The following MAML2 variants were observed in gnomAD, a reference collection of about 807,000 sequenced individuals.
MAML2 encodes mastermind-like protein 2.
A neutral mutation model predicts 96.1 loss-of-function variants in MAML2; 22 were observed. The ratio of observed to expected loss-of-function variants is 0.23; its 90% confidence interval spans 0.16 to 0.33. The LOEUF is 0.33. Among genes scored for constraint, MAML2 ranks in the 10% least tolerant of loss-of-function variants. The probability of loss-of-function intolerance (pLI) is 1.00; values close to 1 mark genes in which losing one functional copy is unlikely to be tolerated. For missense variants in MAML2, 1,367 were observed against 1,392.4 expected, an observed-to-expected ratio of 0.98 and a Z score of 0.29; for synonymous variants, 561 against 521.3, an observed-to-expected ratio of 1.08 and a Z score of -1.04.
intron 2 of MAML2, among the ~76,000 whole-genome samples, chr11:95,997,711 T>C (rs1443799011): frequency 6.6e-6 from 1 of 152,134 alleles, no homozygotes; most frequent in Non-Finnish European, 1.5e-5. Context: ...GCATTTGAGA[T>C]CTTCATTTCA....
intron 1 of MAML2, among the ~76,000 whole-genome samples, chr11:96,162,240 T>C (rs927060677): frequency 6.9e-6 from 1 of 145,728 alleles, no homozygotes; most frequent in African/African-American, 2.5e-5. Flanking sequence ...CAGAATCAGG[T>C]CTGACTTTTT....
intron 1 of MAML2, among the ~76,000 whole-genome samples, chr11:96,273,241 A>T (rs910895106): frequency 2.0e-5 from 3 of 152,236 alleles, no homozygotes; most frequent in African/African-American, 7.2e-5. Flanking sequence ...CAAGGCAATA[A>T]TCTTGTCTGT....
chr11:96,250,341 T>C (rs905573066), intron 1 of MAML2, among the ~76,000 whole-genome samples: 13 of 152,220 alleles, frequency 8.5e-5, no homozygotes, highest in African/African-American at 3.1e-4. Flanking sequence ...CATATAATCA[T>C]AGTGCTCTGA....
At chr11:96,165,939 C>T (rs1861181538) in intron 1 of MAML2, among the ~76,000 whole-genome samples, 1 of 152,134 alleles carries the variant, frequency 6.6e-6, no homozygotes, top group African/African-American at 2.4e-5. Context: ...CTGCCTTAGG[C>T]AGGATATTTG....
intron 1 of MAML2, among the ~76,000 whole-genome samples, chr11:96,293,678 C>T (rs476940): frequency 0.26 from 40,234 of 151,838 alleles, 5,404 homozygotes; most frequent in East Asian, 0.32. Flanking sequence ...AAACAGCCCA[C>T]GGAAACAGTA....
chr11:96,294,517 G>A (rs1863261848), intron 1 of MAML2, among the ~76,000 whole-genome samples: 1 of 152,190 alleles, frequency 6.6e-6, no homozygotes, highest in Admixed American at 6.5e-5. Flanking sequence ...GCTTCTGTAT[G>A]AATTGTTACA....
intron 1 of MAML2, among the ~76,000 whole-genome samples, chr11:96,286,119 A>G (rs1331917770): frequency 6.6e-6 from 1 of 152,232 alleles, no homozygotes; most frequent in East Asian, 1.9e-4. Context: ...TGTGGTACAT[A>G]TTCACCATGG....
chr11:96,142,518 C>T (rs889517087), intron 1 of MAML2, among the ~76,000 whole-genome samples: 2 of 152,208 alleles, frequency 1.3e-5, no homozygotes, highest in Non-Finnish European at 2.9e-5. Context: ...TCATAACCCT[C>T]AGGTTCCAGT....
At position 96,092,485 on chromosome 11, in the gene MAML2, T is replaced by C. The variant is rs1283375880; in HGVS notation, c.1546A>G (p.Lys516Glu). 1 of 1,607,236 alleles carries C rather than the reference T, an allele frequency of 6.2e-7. No individual in the cohort carries two copies. The highest frequency in any genetic ancestry group is 2.2e-5 in the East Asian group (1 of 44,820). ...CCACCCTGGGCTGAGGGGCCGGCCT[T>C]GTACATGTAGTTAGCCATTACTTTC... ...QSKVMANYMY[K>E]AGPSAQGGHL... is the part of the protein sequence containing the mutation. Residue 516 changes from lysine to glutamate, a missense_variant, in exon 2 of 5, where the codon AAG (lysine) becomes GAG (glutamate). Physicochemically the swap from Lys to Glu is moderately conservative, Grantham distance 56 (BLOSUM62 1). Transcript: ENST00000524717. The surrounding 1 kb of genome is among the most constrained non-coding windows in gnomAD (Gnocchi z 4.1).
intron 1 of MAML2, among the ~76,000 whole-genome samples, chr11:96,268,114 A>G (rs1292371877): frequency 6.6e-6 from 1 of 152,172 alleles, no homozygotes; most frequent in Non-Finnish European, 1.5e-5. Flanking sequence ...TTGATGCTAT[A>G]ATGGTATTTG....
At chr11:96,321,951 TTTGTTG>T (rs750669452) in intron 1 of MAML2, among the ~76,000 whole-genome samples, 4 of 152,156 alleles carry the variant, frequency 2.6e-5, no homozygotes, top group Non-Finnish European at 4.4e-5. Flanking sequence ...GGCCGAGTTT[TTTGTTG>T]TTGTTGTTGT....
intron 2 of MAML2, among the ~76,000 whole-genome samples, chr11:96,030,798 A>G (rs1858601746): frequency 6.6e-6 from 1 of 152,168 alleles, no homozygotes; most frequent in African/African-American, 2.4e-5. Flanking sequence ...TAATTTCACT[A>G]CTCCTGGAGT....
At chr11:96,069,890 G>A (rs1859314157) in intron 2 of MAML2, among the ~76,000 whole-genome samples, 1 of 151,566 alleles carries the variant, frequency 6.6e-6, no homozygotes, top group Non-Finnish European at 1.5e-5. Flanking sequence ...GGGTGTGGTG[G>A]TGCGTGCCTG....
At chr11:96,064,695 C>A (rs962545435) in intron 2 of MAML2, among the ~76,000 whole-genome samples, 4 of 152,172 alleles carry the variant, frequency 2.6e-5, no homozygotes, top group Admixed American at 2.0e-4. Context: ...AGTTAATTAA[C>A]CCACATGCAC....
chr11:96,098,599 T>C (rs977232602), intron 1 of MAML2, among the ~76,000 whole-genome samples: 9 of 152,244 alleles, frequency 5.9e-5, no homozygotes, highest in Admixed American at 3.9e-4. Flanking sequence ...CACTGTACTT[T>C]CTTTTGCTGA....
intron 2 of MAML2, among the ~76,000 whole-genome samples, chr11:96,050,230 G>C (rs1380703940): frequency 1.3e-5 from 2 of 152,208 alleles, no homozygotes; most frequent in Non-Finnish European, 2.9e-5. Context: ...GTATGTGTGA[G>C]AGAGTCAACT....
At chr11:96,318,606 G>C (rs1863661460) in intron 1 of MAML2, among the ~76,000 whole-genome samples, 1 of 152,200 alleles carries the variant, frequency 6.6e-6, no homozygotes, top group South Asian at 2.1e-4. Flanking sequence ...ACAACGGTTT[G>C]ATGTCCTTGT....
chr11:96,187,879 C>T (rs906500616), intron 1 of MAML2, among the ~76,000 whole-genome samples: 5 of 152,074 alleles, frequency 3.3e-5, no homozygotes, highest in African/African-American at 1.2e-4. Context: ...ATATTTTTCA[C>T]TCCAGTCTAT....
In MAML2 at chr11:96,092,518, C is replaced by A; in HGVS notation, c.1513G>T (p.Gly505Cys). ...TAGTTAGCCATTACTTTCGACTGGC[C>A]GCTGCCGCCAGCTACCCCAGGCATG... ...SPMPGVAGGS[G>C]QSKVMANYMY... The change falls in exon 2 of 5, where the codon GGC (glycine) becomes TGC (cysteine). Residue 505 changes from glycine (G) to cysteine (C), a missense_variant. Physicochemically the swap from Gly to Cys is radical, Grantham distance 159. Coordinates refer to ENST00000524717, the MANE Select transcript of MAML2 (RefSeq NM_032427.4). The surrounding 1 kb of genome is among the most constrained non-coding windows in gnomAD (Gnocchi z 4.1). 1 of 1,594,966 alleles carries A rather than the reference C, an allele frequency of 6.3e-7. No individual in the cohort carries two copies. Among genetic ancestry groups the A allele is most frequent in the Non-Finnish European group, 8.6e-7 (1 of 1,168,322 alleles).
Sources: allele counts gnomAD v4.1 joint callset (sites outside exome capture counted in the v4.1 genomes callset), GRCh38; gene constraint gnomAD v4.1.1; non-coding constraint Gnocchi (gnomAD v3.1); transcripts MANE v1.5; gene names NCBI Gene and HGNC (gene_info 2026-07-23, HGNC 2026-07-21).